Variants in C10orf143 observed in about 807,000 individuals in gnomAD.
The protein encoded by C10orf143 is chromosome 10 open reading frame 143, also known as uncharacterized protein C10orf143.
At chr10:130,087,879 C>T (rs887610604) in intron 1 of C10orf143, among the ~76,000 whole-genome samples, 5 of 152,164 alleles carry the variant, frequency 3.3e-5, no homozygotes, top group Non-Finnish European at 7.3e-5. Context: ...TGGCAGCCTC[C>T]GCTCTGGGCT....
At chr10:130,083,529 T>C (rs1261583335) in intron 1 of C10orf143, among the ~76,000 whole-genome samples, 3 of 152,144 alleles carry the variant, frequency 2.0e-5, no homozygotes, top group Non-Finnish European at 4.4e-5. Context: ...TAAACTATGG[T>C]ACATCCAAGC....
chr10:130,106,483 C>T lies in C10orf143; in HGVS notation c.69+4221G>A, dbSNP rs1437983274. 3.1e-6 allele frequency: 5 copies of T among 1,602,290 alleles called. No individual in the cohort carries two copies. In the Admixed American group the frequency reaches 8.4e-5, roughly 27 times the overall value. On this transcript the variant is annotated intron_variant, in intron 1 of 3. Transcript: ENST00000637128. ...ATTCTGAACTTGAGCATGAAATTCT[C>T]TGTCTAGAAAAAGAGTTAAAAGAAG...
downstream of C10orf143, among the ~76,000 whole-genome samples, chr10:130,060,901 G>C (rs1048557508): frequency 2.0e-5 from 3 of 151,686 alleles, no homozygotes; most frequent in African/African-American, 7.3e-5. Flanking sequence ...ACTAGGAGAG[G>C]CCAAGGTGAG....
intron 3 of C10orf143, among the ~76,000 whole-genome samples, chr10:130,069,290 A>G (rs975121190): frequency 2.6e-5 from 4 of 152,212 alleles, no homozygotes; most frequent in Admixed American, 6.5e-5. Context: ...CTACTTCAAA[A>G]CCATGTGGCC....
intron 1 of C10orf143, among the ~76,000 whole-genome samples, chr10:130,088,922 G>A (rs996733612): frequency 1.3e-5 from 2 of 152,184 alleles, no homozygotes; most frequent in African/African-American, 4.8e-5. Flanking sequence ...CTGAACTCCT[G>A]CATTACCAGG....
At chr10:130,046,449 T>G (rs1860674202) in intron 3 of C10orf143, among the ~76,000 whole-genome samples, 1 of 151,832 alleles carries the variant, frequency 6.6e-6, no homozygotes, top group Non-Finnish European at 1.5e-5. Context: ...TAATTATGTG[T>G]GACATAAAAA....
intron 3 of C10orf143, among the ~76,000 whole-genome samples, chr10:130,052,360 C>G (rs978939766): frequency 6.6e-6 from 1 of 152,114 alleles, no homozygotes; most frequent in East Asian, 1.9e-4. Context: ...CAGGTACCTC[C>G]AGGTGAGGCA....
At chr10:130,045,865 T>G (rs1000461245) in intron 3 of C10orf143, among the ~76,000 whole-genome samples, 3 of 152,026 alleles carry the variant, frequency 2.0e-5, no homozygotes, top group Non-Finnish European at 4.4e-5. Context: ...GTCGTGGCTG[T>G]TGTGGGGAAT....
chr10:130,078,900 A>C (rs1861161988), intron 3 of C10orf143, among the ~76,000 whole-genome samples: 1 of 152,224 alleles, frequency 6.6e-6, no homozygotes, highest in Non-Finnish European at 1.5e-5. Context: ...TTTAAATATA[A>C]TTCTATTTTA....
At chr10:130,110,609 A>C (rs1861749925) in intron 1 of C10orf143, 95 bp downstream of exon 1, 1 of 398,222 alleles carries the variant, frequency 2.5e-6, no homozygotes, top group Non-Finnish European at 4.4e-6. Context: ...GCCTCCTCAC[A>C]GGCAGGGCCG....
intron 1 of C10orf143, among the ~76,000 whole-genome samples, chr10:130,103,604 T>C (rs1861593990): frequency 6.6e-6 from 1 of 152,092 alleles, no homozygotes; most frequent in Non-Finnish European, 1.5e-5. Context: ...CCCAGGAATT[T>C]GAGACCAGCC....
chr10:130,076,184 C>T (rs1861114373), intron 3 of C10orf143, among the ~76,000 whole-genome samples: 1 of 152,108 alleles, frequency 6.6e-6, no homozygotes, highest in African/African-American at 2.4e-5. Context: ...GAGCCAAACA[C>T]TCACCAGGAG....
At chr10:130,094,463 T>G (rs1179478846) in intron 1 of C10orf143, among the ~76,000 whole-genome samples, 1 of 152,170 alleles carries the variant, frequency 6.6e-6, no homozygotes, top group Non-Finnish European at 1.5e-5. Context: ...TGAACATTGA[T>G]GTGAAAATCC....
chr10:130,067,446 C>G (rs959228286), intron 3 of C10orf143: 1 of 152,206 alleles, frequency 6.6e-6, no homozygotes, highest in Non-Finnish European at 1.5e-5. Flanking sequence ...TTTGCTGAAG[C>G]CATTTTTCCT....
chr10:130,099,624 C>T (rs1335395923), intron 1 of C10orf143, among the ~76,000 whole-genome samples: 1 of 151,788 alleles, frequency 6.6e-6, no homozygotes, highest in Admixed American at 6.6e-5. Flanking sequence ...GCAACCTCTG[C>T]CTCGTGGGTT....
chr10:130,107,305 C>T lies in C10orf143; in HGVS notation c.69+3399G>A, dbSNP rs192219651. On this transcript the variant is annotated intron_variant, in intron 1 of 3. Transcript: ENST00000637128. The stretch of plus-strand genomic sequence containing the variant: ...TTTCTAAGGTAGACAAAAAGATCAG[C>T]CATGCCACTAAAGAGCTGGAGACCT... The T allele has an allele frequency of 8.9e-5, 98 of 1,096,466 alleles. No individual in the cohort carries two copies. The Admixed American group carries it at 1.6e-3, about 18-fold the overall frequency. The allele number at this position is 1,096,466 out of a possible 1,614,324, so 67.9% of individuals were successfully genotyped here.
intron 1 of C10orf143, among the ~76,000 whole-genome samples, chr10:130,098,911 C>A (rs1255861889): frequency 1.3e-5 from 2 of 151,968 alleles, no homozygotes; most frequent in Non-Finnish European, 2.9e-5. Context: ...CATGGAGAAA[C>A]CCCATCTCTA....
chr10:130,099,508 A>ATTTT (rs925600225), intron 1 of C10orf143, among the ~76,000 whole-genome samples: 15 of 119,760 alleles, frequency 1.3e-4, no homozygotes, highest in African/African-American at 4.5e-4. Flanking sequence ...TTCTTCTTTT[A>ATTTT]TTTTTATTTA....
intron 1 of C10orf143, chr10:130,108,067 T>C (rs780837037): frequency 6.7e-7 from 1 of 1,490,334 alleles, no homozygotes; most frequent in South Asian, 1.1e-5. Flanking sequence ...TAAATATCCC[T>C]GATTCATCTC....
Sources: gnomAD v4.1 joint callset for allele counts (sites outside exome capture counted in the v4.1 genomes callset) on GRCh38, gnomAD v4.1.1 for gene constraint, MANE v1.5 for transcripts, NCBI Gene and HGNC (gene_info 2026-07-23, HGNC 2026-07-21) for gene names.